Variants in AQP4 observed in about 807,000 individuals in gnomAD.
AQP4 encodes the protein aquaporin-4.
In AQP4, 18 loss-of-function variants were observed where a neutral mutation model predicts 27.8. That is an observed-to-expected ratio of 0.65 (90% CI 0.45 to 0.96). The LOEUF (loss-of-function observed/expected upper bound fraction) is 0.96, where lower values mean the gene tolerates loss of function less well. Among genes scored for constraint, AQP4 ranks in the 40% least tolerant of loss-of-function variants. The probability of loss-of-function intolerance (pLI) is 0.00; values close to 1 mark genes in which losing one functional copy is unlikely to be tolerated. For missense variants in AQP4, 412 were observed against 408.2 expected, an observed-to-expected ratio of 1.01 and a Z score of -0.08; for synonymous variants, 141 against 142.9, an observed-to-expected ratio of 0.99 and a Z score of 0.10.
Position 26,852,060 on chromosome 18 carries a change from C to T in AQP4, c.*4151G>A, listed in dbSNP as rs2144935163. Reference sequence around the variant, plus strand: ...ACATAATGTTTACCTTTTAAAACATCCAAATGTTTATTTTCACAAGCTTAG... The same window carrying T: ...ACATAATGTTTACCTTTTAAAACATTCAAATGTTTATTTTCACAAGCTTAG... On this transcript the variant is annotated 3_prime_UTR_variant, in exon 5 of 5. Transcript: ENST00000383168. The T allele has an allele frequency of 6.6e-6, 1 of 152,252 alleles. No homozygotes were observed. Among genetic ancestry groups the T allele is most frequent in the African/African-American group, 2.4e-5 (1 of 41,548 alleles). 9.4% of individuals were successfully genotyped at this position (152,252 alleles called of 1,614,324 possible). A position where few individuals can be genotyped will look rare whatever the true frequency, so the allele number is the denominator to read the frequency against.
chr18:26,862,026 T>C, intron 2 of AQP4, 156 bp downstream of exon 2: 1 of 846,280 alleles, frequency 1.2e-6, no homozygotes, highest in Non-Finnish European at 1.9e-6. Context: ...ACCTAAATAC[T>C]GCCAGAATCA....
At chr18:26,865,327 A>G in intron 1 of AQP4, 1 of 441,548 alleles carries the variant, frequency 2.3e-6, no homozygotes, top group Non-Finnish European at 4.2e-6. Context: ...CTGAACACTC[A>G]GCTTCATCCA....
rs2054966723 is a variant in AQP4, at chr18:26,862,376, C to A, written c.253G>T (p.Val85Leu). Residue 85 changes from valine to leucine, a missense_variant, in exon 2 of 5, where the codon GTG (valine) becomes TTG (leucine). Transcript: ENST00000383168. The stretch of plus-strand genomic sequence containing the variant: ...CCGCTGATATGGCCAAAGCACTGCA[C>A]CATGGTTGCAATGCTGAGTCCAAAG... ...LCFGLSIATMVQCFGHISGGH... is the reference protein window; with the variant it reads ...LCFGLSIATMLQCFGHISGGH... The A allele has an allele frequency of 2.5e-6, 4 of 1,614,090 alleles. No individual in the cohort carries two copies. The highest frequency in any genetic ancestry group is 1.1e-5 in the South Asian group (1 of 91,094).
chr18:26,860,546 T>C (rs2054922482), intron 4 of AQP4: 1 of 507,912 alleles, frequency 2.0e-6, no homozygotes, highest in Non-Finnish European at 3.6e-6. Flanking sequence ...AAAAGACTAT[T>C]ATTGGAGGCC....
At chr18:26,861,656 A>T (rs891379150) in intron 2 of AQP4, among the ~76,000 whole-genome samples, 1 of 152,198 alleles carries the variant, frequency 6.6e-6, no homozygotes, top group Non-Finnish European at 1.5e-5. Flanking sequence ...TTAGGTTTAA[A>T]TTAATTAATA....
At chr18:26,865,038 C>CTTT (rs58002791) in intron 1 of AQP4, among the ~76,000 whole-genome samples, 19 of 146,622 alleles carry the variant, frequency 1.3e-4, no homozygotes, top group Middle Eastern at 3.6e-3. Context: ...ATGTTTTTAG[C>CTTT]TTTTTTTTTT....
Position 26,855,737 on chromosome 18 carries a change from G to C in AQP4, c.*474C>G, listed in dbSNP as rs777885310. On this transcript the variant is annotated 3_prime_UTR_variant, in exon 5 of 5. Coordinates refer to ENST00000383168, the MANE Select transcript of AQP4 (RefSeq NM_001650.7). ...TATGCATAAGGGATTGCTCATAAAA[G>C]AACTTGTTATATTTTCTCTCTTGAA... 1 of 192,114 alleles carries C rather than the reference G, an allele frequency of 5.2e-6. No homozygotes were observed. The highest frequency in any genetic ancestry group is 1.1e-5 in the Non-Finnish European group (1 of 91,522). 11.9% of individuals were successfully genotyped at this position (192,114 alleles called of 1,614,324 possible). A position where few individuals can be genotyped will look rare whatever the true frequency, so the allele number is the denominator to read the frequency against.
intron 4 of AQP4, among the ~76,000 whole-genome samples, chr18:26,858,698 G>A (rs572323278): frequency 6.6e-5 from 10 of 152,268 alleles, no homozygotes; most frequent in Non-Finnish European, 1.3e-4. Flanking sequence ...AGGGAGACTA[G>A]AACAGCAAAA....
At chr18:26,861,977 T>C (rs1322556388) in intron 2 of AQP4, 6 of 648,322 alleles carry the variant, frequency 9.3e-6, no homozygotes, top group Non-Finnish European at 1.6e-5. Flanking sequence ...TTGTTATTTT[T>C]AAGGCACTCA....
rs545781641 is a variant in AQP4, at chr18:26,854,794, T to C, written c.*1417A>G. ...TGTTTAGTGAAATTGACATTTGCAC[T>C]TCTTTGTCTAAGTTAACGGCTAGAC... is the stretch of plus-strand genomic sequence containing the variant. On this transcript the variant is annotated 3_prime_UTR_variant, in exon 5 of 5. Coordinates refer to ENST00000383168, the MANE Select transcript of AQP4 (RefSeq NM_001650.7). 1 of 152,450 alleles carries C rather than the reference T, an allele frequency of 6.6e-6. No homozygotes were observed. Among genetic ancestry groups the C allele is most frequent in the African/African-American group, 2.4e-5 (1 of 41,594 alleles). 9.4% of individuals were successfully genotyped at this position (152,450 alleles called of 1,614,324 possible).
chr18:26,860,651 T>C, intron 4 of AQP4, 121 bp downstream of exon 4: 1 of 860,602 alleles, frequency 1.2e-6, no homozygotes, highest in Admixed American at 1.7e-5. Context: ...TGTAATAAAG[T>C]GAGGGTCAAG....
rs1001254881 is a variant in AQP4, at chr18:26,853,340, G to A, written c.*2871C>T. 4 of 154,080 alleles carry A rather than the reference G, an allele frequency of 2.6e-5. No individual in the cohort carries two copies. Among genetic ancestry groups the A allele is most frequent in the Non-Finnish European group, 5.8e-5 (4 of 69,388 alleles). The allele number at this position is 154,080 out of a possible 1,614,324, so 9.5% of individuals were successfully genotyped here. A position where few individuals can be genotyped will look rare whatever the true frequency, so the allele number is the denominator to read the frequency against. ...GTACAAAAGGTTAAGGCTCTTTGAA[G>A]AAAATGTTATCTTCAACAATGGAAA... On this transcript the variant is annotated 3_prime_UTR_variant, in exon 5 of 5. Transcript: ENST00000383168.
At chr18:26,865,059 A>G (rs866465697) in intron 1 of AQP4, among the ~76,000 whole-genome samples, 1 of 150,074 alleles carries the variant, frequency 6.7e-6, no homozygotes, top group Non-Finnish European at 1.5e-5. Context: ...TTTTAAATCC[A>G]CAAAAATCTG....
chr18:26,865,664 C>A lies in AQP4; in HGVS notation c.26G>T (p.Arg9Leu). The change falls in exon 1 of 5, where the codon CGG (arginine) becomes CTG (leucine). Residue 9 changes from arginine (R) to leucine (L), a missense_variant. Coordinates refer to ENST00000383168, the MANE Select transcript of AQP4 (RefSeq NM_001650.7). The stretch of plus-strand genomic sequence containing the variant: ...AAGGCAAAGAAGGACTTACCCCCAC[C>A]GCCTTGCTGTGGGTCTGTCACTCAT... MSDRPTAR[R>L]WGKCGPLCTR... 1 of 1,614,190 alleles carries A rather than the reference C, an allele frequency of 6.2e-7. No individual in the cohort carries two copies. The highest frequency in any genetic ancestry group is 8.5e-7 in the Non-Finnish European group (1 of 1,180,028).
chr18:26,861,876 A>C, intron 2 of AQP4: 7 of 421,956 alleles, frequency 1.7e-5, no homozygotes, highest in East Asian at 1.0e-4. Context: ...ACTGTAAGGA[A>C]AATGCATTAA....
In AQP4 at chr18:26,855,556, A is replaced by G. The variant is rs978146661; in HGVS notation, c.*655T>C. 1.3e-5 allele frequency: 2 copies of G among 152,708 alleles called. No homozygotes were observed. Among genetic ancestry groups the G allele is most frequent in the African/African-American group, 4.8e-5 (2 of 41,436 alleles). 9.5% of individuals were successfully genotyped at this position (152,708 alleles called of 1,614,324 possible). A position where few individuals can be genotyped will look rare whatever the true frequency, so the allele number is the denominator to read the frequency against. ...GAAGGATTTCTGAATATTCTTTTCA[A>G]ATTTCTGGGCTTTAGTCCCACATTA... On this transcript the variant is annotated 3_prime_UTR_variant, in exon 5 of 5. Transcript: ENST00000383168.
chr18:26,863,416 C>T (rs2054995199), intron 1 of AQP4, among the ~76,000 whole-genome samples: 2 of 152,232 alleles, frequency 1.3e-5, no homozygotes, highest in Admixed American at 6.5e-5. Flanking sequence ...GGCAGGCTCC[C>T]GGGCGGCGGC....
chr18:26,861,313 T>A lies in AQP4; in HGVS notation c.448-18A>T, dbSNP rs1223784199. The stretch of plus-strand genomic sequence containing the variant: ...CCATGAACCTAGAGAAAGAAAAATA[T>A]TCCATCAGAATTGAAGCAAGAGTAT... On this transcript the variant is annotated intron_variant, in intron 2 of 4. Transcript: ENST00000383168. The A allele has an allele frequency of 6.2e-7, 1 of 1,610,708 alleles. No homozygotes were observed. The highest frequency in any genetic ancestry group is 1.7e-5 in the Admixed American group (1 of 60,012).
rs2054803069 is a variant in AQP4 at position 26,854,255 on chromosome 18, G to T, written c.*1956C>A. ...CAAAAAATCTGCTTAACACTTCCTT[G>T]TTAACCGAACTTATTTTTAAACTGA... On this transcript the variant is annotated 3_prime_UTR_variant, in exon 5 of 5. Transcript: ENST00000383168. 1 of 152,200 alleles carries T rather than the reference G, an allele frequency of 6.6e-6. No individual in the cohort carries two copies. The highest frequency in any genetic ancestry group is 1.5e-5 in the Non-Finnish European group (1 of 68,034). 9.4% of individuals were successfully genotyped at this position (152,200 alleles called of 1,614,324 possible). A position where few individuals can be genotyped will look rare whatever the true frequency, so the allele number is the denominator to read the frequency against.
Sources: allele counts gnomAD v4.1 joint callset (sites outside exome capture counted in the v4.1 genomes callset), GRCh38; gene constraint gnomAD v4.1.1; transcripts MANE v1.5; gene names NCBI Gene and HGNC (gene_info 2026-07-23, HGNC 2026-07-21).